SEMA4F: variants seen among roughly 807,000 people sequenced by gnomAD.
SEMA4F encodes the protein semaphorin-4F.
SEMA4F carries 51 observed loss-of-function variants against 78.4 expected under a neutral mutation model. The observed-to-expected ratio is 0.65, with a 90% CI of 0.52 to 0.82. The LOEUF is 0.82. Ranked by LOEUF, SEMA4F falls within the 40% of genes least tolerant of loss-of-function variation. SEMA4F has a pLI of 0.00. For missense variants in SEMA4F, 938 were observed against 1,014.4 expected (o/e 0.92, Z 1.02); for synonymous variants, 418 against 408.7 (o/e 1.02, Z -0.27).
the SEMA4F span, among the ~76,000 whole-genome samples, chr2:74,696,890 C>G: frequency 1.3e-5 from 2 of 152,152 alleles, no homozygotes; most frequent in East Asian, 3.8e-4. Context: ...GTATATTTAA[C>G]TAATCTCTAT....
chr2:74,654,356 C>T lies in SEMA4F; in HGVS notation c.-21C>T. 6.8e-7 allele frequency: 1 copy of T among 1,470,192 alleles called. No individual in the cohort carries two copies. Among genetic ancestry groups the T allele is most frequent in the Non-Finnish European group, 8.9e-7 (1 of 1,118,416 alleles). 91.1% of individuals were successfully genotyped at this position (1,470,192 alleles called of 1,614,324 possible). A position where few individuals can be genotyped will look rare whatever the true frequency, so the allele number is the denominator to read the frequency against. On this transcript the variant is annotated 5_prime_UTR_variant, in exon 1 of 14. Transcript: ENST00000357877. Reference sequence around the variant, plus strand: ...CAGAGGCCGTAGCTTGCGCCGCACCCGCGGCCAGGCGGAGCCAAAGATGCC... The same window carrying T: ...CAGAGGCCGTAGCTTGCGCCGCACCTGCGGCCAGGCGGAGCCAAAGATGCC...
At chr2:74,695,652 GA>G in the SEMA4F span, among the ~76,000 whole-genome samples, 4 of 152,216 alleles carry the variant, frequency 2.6e-5, no homozygotes, top group South Asian at 8.3e-4. Context: ...CCTTTTATAT[GA>G]CCAAATTGCT....
chr2:74,663,043 G>T (rs1345262283), intron 5 of SEMA4F, among the ~76,000 whole-genome samples: 2 of 152,124 alleles, frequency 1.3e-5, no homozygotes, highest in African/African-American at 4.8e-5. Context: ...TGTGTCCTCT[G>T]CACCTCTAGT....
chr2:74,689,306 C>G, the SEMA4F span, among the ~76,000 whole-genome samples: 2 of 152,008 alleles, frequency 1.3e-5, no homozygotes, highest in African/African-American at 4.8e-5. Flanking sequence ...AGATGTTTTT[C>G]TGTCTATGGA....
In SEMA4F at chr2:74,674,983, A is replaced by G; in HGVS notation, c.1097A>G (p.Asn366Ser). Residue 366 changes from asparagine (N) to serine (S), a missense_variant, in exon 9 of 14, where the codon AAC becomes AGC. Transcript: ENST00000357877. Reference sequence around the variant, plus strand: ...TTCAGAGAACTAAAACATGACTGCAACAGAGGACTGCCTGTCGTGGACAAT... The same window carrying G: ...TTCAGAGAACTAAAACATGACTGCAGCAGAGGACTGCCTGTCGTGGACAAT... ...GPFRELKHDCNRGLPVVDNDV... is the reference protein window; with the variant it reads ...GPFRELKHDCSRGLPVVDNDV... 2 of 1,613,978 alleles carry G rather than the reference A, an allele frequency of 1.2e-6. No homozygotes were observed. The highest frequency in any genetic ancestry group is 1.7e-6 in the Non-Finnish European group (2 of 1,179,994).
chr2:74,664,316 A>G (rs578142414), intron 5 of SEMA4F, among the ~76,000 whole-genome samples: 2 of 152,354 alleles, frequency 1.3e-5, no homozygotes, highest in South Asian at 4.1e-4. Flanking sequence ...TGTAAAGATA[A>G]TGTTTAATGA....
intron 5 of SEMA4F, among the ~76,000 whole-genome samples, chr2:74,668,929 C>CAAAAA (rs1308342967): frequency 3.6e-5 from 2 of 55,656 alleles, no homozygotes; most frequent in Admixed American, 1.9e-4. Context: ...CAAGCGTGGC[C>CAAAAA]AAAAAAAAAA....
At chr2:74,670,247 G>A (rs544761572) in intron 5 of SEMA4F, among the ~76,000 whole-genome samples, 1 of 152,326 alleles carries the variant, frequency 6.6e-6, no homozygotes, top group African/African-American at 2.4e-5. Context: ...GGACTCCTAT[G>A]CTCAATATTG....
At chr2:74,657,804 T>G in intron 3 of SEMA4F, 49 bp from the exon 4 acceptor site, 1 of 1,559,644 alleles carries the variant, frequency 6.4e-7, no homozygotes, top group Non-Finnish European at 8.8e-7. Flanking sequence ...ACCTTACCCT[T>G]CCTCGTACCT....
chr2:74,708,856 A>G, the SEMA4F span, among the ~76,000 whole-genome samples: 1 of 152,218 alleles, frequency 6.6e-6, no homozygotes, highest in African/African-American at 2.4e-5. Flanking sequence ...TCAGCAGGAA[A>G]ACACAAGACA....
chr2:74,679,199 A>G (rs895051180), intron 12 of SEMA4F, 77 bp from the exon 13 acceptor site: 9 of 1,056,420 alleles, frequency 8.5e-6, no homozygotes, highest in African/African-American at 7.8e-5. Context: ...ATATTGAATG[A>G]GGGAGTCTTC....
chr2:74,703,149 G>A, the SEMA4F span, among the ~76,000 whole-genome samples: 2 of 151,940 alleles, frequency 1.3e-5, no homozygotes, highest in African/African-American at 4.8e-5. Context: ...ATAATACTAC[G>A]GGTTGGAGGA....
chr2:74,674,080 G>A (rs1347558147), intron 7 of SEMA4F, among the ~76,000 whole-genome samples: 2 of 152,172 alleles, frequency 1.3e-5, no homozygotes, highest in Non-Finnish European at 2.9e-5. Context: ...GGGAGGAACT[G>A]GTGACAGATA....
At chr2:74,690,215 G>A in the SEMA4F span, among the ~76,000 whole-genome samples, 1 of 152,140 alleles carries the variant, frequency 6.6e-6, no homozygotes, top group Admixed American at 6.5e-5. Context: ...GTGATCTTTG[G>A]CTGGACAGCA....
chr2:74,685,840 C>T (rs1411137737), downstream of SEMA4F, among the ~76,000 whole-genome samples: 2 of 152,100 alleles, frequency 1.3e-5, no homozygotes, highest in Admixed American at 6.5e-5. Flanking sequence ...TATCCAGGAT[C>T]TACAAAGAAC....
Position 74,662,777 on chromosome 2 carries a change from G to A in SEMA4F, c.502G>A (p.Gly168Arg). Residue 168 changes from glycine to arginine, a missense_variant, in exon 5 of 14, where the codon GGG becomes AGG. By Grantham distance (125) the Gly-to-Arg change is moderately radical. Transcript: ENST00000357877. ...QQVERLESGR[G>R]KCPFEPAQRS... ...GGTTGAAAGACTTGAGAGTGGCCGGGGGAAATGTCCTTTTGAGCCAGCTCA... is the reference window on the plus strand; with the variant it reads ...GGTTGAAAGACTTGAGAGTGGCCGGAGGAAATGTCCTTTTGAGCCAGCTCA... The A allele has an allele frequency of 1.2e-6, 2 of 1,614,164 alleles. No individual in the cohort carries two copies. Among genetic ancestry groups the A allele is most frequent in the South Asian group, 1.1e-5 (1 of 91,076 alleles).
chr2:74,679,703 G>A lies in SEMA4F; in HGVS notation c.1807G>A (p.Gly603Arg). 6.2e-7 allele frequency: 1 copy of A among 1,614,098 alleles called. No individual in the cohort carries two copies. The highest frequency in any genetic ancestry group is 8.5e-7 in the Non-Finnish European group (1 of 1,180,036). ...ATCCTGTGTGTGGCACCAGCCCAGT[G>A]GAGTGACTGCACTCACCCCCCGGCG... ...WASCVWHQPS[G>R]VTALTPRRDG... The change falls in exon 14 of 14, where the codon GGA (glycine) becomes AGA (arginine). Residue 603 changes from glycine (G) to arginine (R), a missense_variant. Gly to Arg is a moderately radical substitution (Grantham distance 125). Coordinates refer to ENST00000357877, the MANE Select transcript of SEMA4F (RefSeq NM_004263.5).
chr2:74,673,808 C>T lies in SEMA4F; in HGVS notation c.802C>T (p.Arg268Trp), dbSNP rs1012721931. The change falls in exon 7 of 14, where the codon CGG becomes TGG. Residue 268 changes from arginine (R) to tryptophan (W), a missense_variant. Arg to Trp is a moderately radical substitution (Grantham distance 101, BLOSUM62 -3). Transcript: ENST00000357877. ...CTCATACGAGCGCATTAAAGTCCCA[C>T]GGGTGGCCCGTGTGTGTGCGGTGAG... ...FDSYERIKVP[R>W]VARVCAGDLG... 7 of 1,613,910 alleles carry T rather than the reference C, an allele frequency of 4.3e-6. No individual in the cohort carries two copies. Among genetic ancestry groups the T allele is most frequent in the Non-Finnish European group, 5.1e-6 (6 of 1,179,886 alleles).
chr2:74,691,942 T>C, the SEMA4F span, among the ~76,000 whole-genome samples: 1 of 152,056 alleles, frequency 6.6e-6, no homozygotes, highest in South Asian at 2.1e-4. Context: ...GCTGCAGCCA[T>C]TGGAATGCTC....
Sources: gnomAD v4.1 joint callset for allele counts (sites outside exome capture counted in the v4.1 genomes callset) on GRCh38, gnomAD v4.1.1 for gene constraint, MANE v1.5 for transcripts, NCBI Gene and HGNC (gene_info 2026-07-23, HGNC 2026-07-21) for gene names.